Variants in ZHX3 observed in about 807,000 individuals in gnomAD.
ZHX3 encodes the protein zinc fingers and homeoboxes 3, also known as zinc fingers and homeoboxes protein 3.
In ZHX3, 20 loss-of-function variants were observed where a neutral mutation model predicts 64.5. The observed-to-expected ratio is 0.31, with a 90% CI of 0.22 to 0.45. The LOEUF (loss-of-function observed/expected upper bound fraction) is 0.45, where lower values mean the gene tolerates loss of function less well. Ranked by LOEUF, ZHX3 falls within the 20% of genes least tolerant of loss-of-function variation. The pLI, the probability that ZHX3 is intolerant of heterozygous loss-of-function variation, is 1.00. For missense variants in ZHX3, 1,041 were observed against 1,195.8 expected, an observed-to-expected ratio of 0.87 and a Z score of 1.91; for synonymous variants, 423 against 461.6, an observed-to-expected ratio of 0.92 and a Z score of 1.07.
intron 1 of ZHX3, among the ~76,000 whole-genome samples, chr20:41,277,329 A>G (rs2043432266): frequency 6.6e-6 from 1 of 152,176 alleles, no homozygotes. Context: ...TCAACTATAT[A>G]CTTTTTTAAA....
At chr20:41,312,809 G>T (rs1044608815) in intron 1 of ZHX3, among the ~76,000 whole-genome samples, 15 of 152,300 alleles carry the variant, frequency 9.8e-5, no homozygotes, top group African/African-American at 3.6e-4. Context: ...CCTGGAGAGG[G>T]AGCACGTCAG....
intron 3 of ZHX3, among the ~76,000 whole-genome samples, chr20:41,189,856 C>G (rs1349927346): frequency 1.3e-5 from 2 of 152,160 alleles, no homozygotes; most frequent in East Asian, 3.9e-4. Flanking sequence ...ACTTCCAGTA[C>G]TATGCTGAAT....
At chr20:41,227,850 T>C (rs1047719105) in intron 2 of ZHX3, among the ~76,000 whole-genome samples, 9 of 152,202 alleles carry the variant, frequency 5.9e-5, no homozygotes, top group African/African-American at 2.2e-4. Flanking sequence ...AAGTATATCA[T>C]AGTGGTATTA....
At chr20:41,292,783 T>C (rs2044315456) in intron 1 of ZHX3, among the ~76,000 whole-genome samples, 1 of 152,250 alleles carries the variant, frequency 6.6e-6, no homozygotes, top group African/African-American at 2.4e-5. Context: ...TGACTGTCTC[T>C]TTTCTGTAAC....
intron 1 of ZHX3, among the ~76,000 whole-genome samples, chr20:41,273,049 T>A (rs1018906254): frequency 2.0e-5 from 3 of 152,178 alleles, no homozygotes; most frequent in Admixed American, 2.0e-4. Context: ...ATTTTGTTTT[T>A]GTTTTGTTTT....
At position 41,184,656 on chromosome 20, in the gene ZHX3, C is replaced by G. The variant is rs2036374315; in HGVS notation, c.*535G>C. Reference sequence around the variant, plus strand: ...GCTTCCTTGAGGAACACAAAGGGGGCACAAAGGGGTTCCAGACGTAGCTTT... The same window carrying G: ...GCTTCCTTGAGGAACACAAAGGGGGGACAAAGGGGTTCCAGACGTAGCTTT... On this transcript the variant is annotated 3_prime_UTR_variant, in exon 4 of 4. Transcript: ENST00000683867. 1 of 490,946 alleles carries G rather than the reference C, an allele frequency of 2.0e-6. No homozygotes were observed. Among genetic ancestry groups the G allele is most frequent in the African/African-American group, 1.9e-5 (1 of 51,384 alleles). 30.4% of individuals were successfully genotyped at this position (490,946 alleles called of 1,614,324 possible).
At chr20:41,279,186 A>G (rs986856277) in intron 1 of ZHX3, among the ~76,000 whole-genome samples, 2 of 152,230 alleles carry the variant, frequency 1.3e-5, no homozygotes, top group African/African-American at 4.8e-5. Context: ...TGAAAGTTTT[A>G]AAGGCCCATA....
At chr20:41,265,327 C>G (rs187162245) in intron 2 of ZHX3, among the ~76,000 whole-genome samples, 2 of 151,858 alleles carry the variant, frequency 1.3e-5, no homozygotes, top group Non-Finnish European at 2.9e-5. Context: ...CTCAGCCTCC[C>G]GAACAGCTGG....
chr20:41,230,192 G>T (rs1157022316), intron 2 of ZHX3, among the ~76,000 whole-genome samples: 1 of 151,864 alleles, frequency 6.6e-6, no homozygotes, highest in Non-Finnish European at 1.5e-5. Context: ...TATATTCTTA[G>T]ATTTTTTTTT....
chr20:41,219,231 C>T lies in ZHX3; in HGVS notation c.-150-14165G>A, dbSNP rs1357565716. 6.6e-6 allele frequency among the ~76,000 whole-genome samples: 1 copy of T among 152,094 alleles called. No homozygotes were observed. The highest frequency in any genetic ancestry group is 2.4e-5 in the African/African-American group (1 of 41,428). ...AGCGTCAGCCACCGCACCTGGCCTT[C>T]CCCCTCAACTCTTATTTTTGTCTAA... On this transcript the variant is annotated intron_variant, in intron 2 of 3. Coordinates refer to ENST00000683867, the MANE Select transcript of ZHX3 (RefSeq NM_001384317.1). The surrounding 1 kb of genome is among the most constrained non-coding windows in gnomAD (Gnocchi z 5.0).
At chr20:41,303,225 G>T (rs1165056473) in intron 1 of ZHX3, among the ~76,000 whole-genome samples, 1 of 152,234 alleles carries the variant, frequency 6.6e-6, no homozygotes, top group Admixed American at 6.5e-5. Flanking sequence ...CTTCCCTGCA[G>T]CATCTAATCT....
intron 1 of ZHX3, among the ~76,000 whole-genome samples, chr20:41,302,943 G>A (rs560458679): frequency 2.6e-5 from 4 of 152,388 alleles, no homozygotes; most frequent in African/African-American, 9.6e-5. Flanking sequence ...CAGCTGGAGA[G>A]AAGGGAGAGG....
intron 2 of ZHX3, among the ~76,000 whole-genome samples, chr20:41,237,871 G>T (rs2041119634): frequency 6.6e-6 from 1 of 152,204 alleles, no homozygotes; most frequent in Non-Finnish European, 1.5e-5. Flanking sequence ...TCTTCTGGTA[G>T]GATAATTCTA....
At chr20:41,311,012 G>A (rs949064568) in intron 1 of ZHX3, among the ~76,000 whole-genome samples, 1 of 152,058 alleles carries the variant, frequency 6.6e-6, no homozygotes, top group African/African-American at 2.4e-5. Flanking sequence ...GTTTCACCAT[G>A]TTGGCCAGGA....
In ZHX3 at chr20:41,204,630, A is replaced by G. The variant is rs1397668446; in HGVS notation, c.287T>C (p.Met96Thr). 6.2e-7 allele frequency: 1 copy of G among 1,614,248 alleles called. No homozygotes were observed. Among genetic ancestry groups the G allele is most frequent in the Non-Finnish European group, 8.5e-7 (1 of 1,180,048 alleles). Residue 96 changes from methionine (M) to threonine (T), a missense_variant, in exon 3 of 4, where the codon ATG becomes ACG. Met to Thr is a moderately conservative substitution (Grantham distance 81). Coordinates refer to ENST00000683867, the MANE Select transcript of ZHX3 (RefSeq NM_001384317.1). The surrounding 1 kb of genome is among the most constrained non-coding windows in gnomAD (Gnocchi z 6.6). Reference sequence around the variant, plus strand: ...ATTAAAGTCTGTGTGCTCTGAGTTCATATGTCCCACAAATTGGGTCATGTC... The same window carrying G: ...ATTAAAGTCTGTGTGCTCTGAGTTCGTATGTCCCACAAATTGGGTCATGTC... ...SHDMTQFVGHMNSEHTDFNKD... is the reference protein window; with the variant it reads ...SHDMTQFVGHTNSEHTDFNKD...
intron 1 of ZHX3, among the ~76,000 whole-genome samples, chr20:41,304,987 C>T (rs188523023): frequency 2.0e-5 from 3 of 152,284 alleles, no homozygotes; most frequent in East Asian, 1.9e-4. Context: ...CCAGAATTAC[C>T]GCATCACTAC....
intron 2 of ZHX3, among the ~76,000 whole-genome samples, chr20:41,214,051 G>A (rs1042226310): frequency 6.6e-6 from 1 of 152,122 alleles, no homozygotes. Flanking sequence ...CTCCAGCCAG[G>A]ATGACAGAGC....
At chr20:41,299,954 T>C (rs1267638311) in intron 1 of ZHX3, 1 of 151,520 alleles carries the variant, frequency 6.6e-6, no homozygotes, top group East Asian at 1.9e-4. Context: ...TCCAGATGTA[T>C]GATTTGTATA....
intron 1 of ZHX3, among the ~76,000 whole-genome samples, chr20:41,305,159 C>CA (rs1468004883): frequency 1.3e-5 from 2 of 152,144 alleles, no homozygotes; most frequent in African/African-American, 4.8e-5. Context: ...TAGGTTGCTA[C>CA]AAAAAATACC....
Sources: gnomAD v4.1 joint callset for allele counts (sites outside exome capture counted in the v4.1 genomes callset) on GRCh38, gnomAD v4.1.1 for gene constraint, Gnocchi (gnomAD v3.1) non-coding constraint, MANE v1.5 for transcripts, NCBI Gene and HGNC (gene_info 2026-07-23, HGNC 2026-07-21) for gene names.